The following PLCG1 variants were observed in gnomAD, a reference collection of about 807,000 sequenced individuals.
The protein encoded by PLCG1 is phospholipase C gamma 1.
A neutral mutation model predicts 177.8 loss-of-function variants in PLCG1; 71 were observed. The ratio of observed to expected loss-of-function variants is 0.40; its 90% CI spans 0.33 to 0.49. The LOEUF (loss-of-function observed/expected upper bound fraction) is 0.49, where lower values mean the gene tolerates loss of function less well. PLCG1 is among the 20% of genes least tolerant of loss of function. The pLI is 0.72. For synonymous variants in PLCG1, 658 were observed against 647.9 expected (o/e 1.02, Z -0.24); for missense variants, 1,281 against 1,709.0 (o/e 0.75, Z 4.42).
chr20:41,138,816 A>C (rs150713520), intron 1 of PLCG1, among the ~76,000 whole-genome samples: 15 of 152,132 alleles, frequency 9.9e-5, no homozygotes, highest in Non-Finnish European at 1.8e-4. Context: ...GGGATTTTGA[A>C]AAACCCCAGA....
intron 1 of PLCG1, among the ~76,000 whole-genome samples, chr20:41,141,757 G>A (rs570729147): frequency 3.8e-4 from 58 of 152,216 alleles, no homozygotes; most frequent in African/African-American, 1.3e-3. Context: ...AGGCCCCCCC[G>A]CCCAGCTGGG....
In PLCG1 at chr20:41,163,052, C is replaced by A; in HGVS notation, c.716+60C>A. On this transcript the variant is annotated intron_variant, in intron 7 of 31. Transcript: ENST00000685551. The surrounding 1 kb of genome is among the most constrained non-coding windows in gnomAD (Gnocchi z 5.2). ...GGGCCCCCTTCATCTCTCCACTGGGCGATTCTTGATCCAGGTGGGAGGCAG... is the reference window on the plus strand; with the variant it reads ...GGGCCCCCTTCATCTCTCCACTGGGAGATTCTTGATCCAGGTGGGAGGCAG... The A allele has an allele frequency of 6.4e-7, 1 of 1,559,256 alleles. No homozygotes were observed.
rs770363449 is a variant in PLCG1, at chr20:41,163,921, G to T, written c.1011G>T (p.Thr337=). ...TACCTGCCTCTCCTTGCCTATCCAGGTACCTGACCGGGGACCAGTTCTCCA... is the reference window on the plus strand; with the variant it reads ...TACCTGCCTCTCCTTGCCTATCCAGTTACCTGACCGGGGACCAGTTCTCCA... ...SHYWISSSHN[T]YLTGDQFSSE... The change falls in exon 11 of 32, where the codon ACG becomes ACT. Residue 337 remains threonine, a splice_region_variant and synonymous_variant. Transcript: ENST00000685551. The surrounding 1 kb of genome is among the most constrained non-coding windows in gnomAD (Gnocchi z 5.2). 8.1e-6 allele frequency: 13 copies of T among 1,614,090 alleles called. No homozygotes were observed. The highest frequency in any genetic ancestry group is 1.1e-5 in the Non-Finnish European group (13 of 1,179,996).
Position 41,159,954 on chromosome 20 carries a change from A to G in PLCG1, c.455A>G (p.Gln152Arg). ...ACATTGCAGGCACCCACACCCCTGC[A>G]GATTGAGAGGTAAGAACCACTCCTG... is the stretch of plus-strand genomic sequence containing the variant. Reference protein sequence around the residue: ...EDTLQAPTPLQIERWLRKQFY... With the variant: ...EDTLQAPTPLRIERWLRKQFY... Residue 152 changes from glutamine (Q) to arginine (R), a missense_variant, in exon 3 of 32, where the codon CAG (glutamine) becomes CGG (arginine). Physicochemically the swap from Gln to Arg is conservative, Grantham distance 43. This residue lies in a region of PLCG1 where 374 missense variants were observed against 443.8 expected (regional missense o/e 0.84). Coordinates refer to ENST00000685551, the MANE Select transcript of PLCG1 (RefSeq NM_002660.3). The surrounding 1 kb of genome is among the most constrained non-coding windows in gnomAD (Gnocchi z 6.0). The G allele has an allele frequency of 6.2e-7, 1 of 1,613,840 alleles. No homozygotes were observed. The highest frequency in any genetic ancestry group is 8.5e-7 in the Non-Finnish European group (1 of 1,179,704).
chr20:41,168,886 G>T lies in PLCG1; in HGVS notation c.2483+16G>T. Reference sequence around the variant, plus strand: ...AGGGAGGCTGGTAAGCCAGTGGTGTGGTAGGCCCAGAGTCCAAGGGCCCCA... The same window carrying T: ...AGGGAGGCTGGTAAGCCAGTGGTGTTGTAGGCCCAGAGTCCAAGGGCCCCA... On this transcript the variant is annotated intron_variant, in intron 21 of 31. Coordinates refer to ENST00000685551, the MANE Select transcript of PLCG1 (RefSeq NM_002660.3). 1 of 1,556,674 alleles carries T rather than the reference G, an allele frequency of 6.4e-7. No individual in the cohort carries two copies. The highest frequency in any genetic ancestry group is 8.9e-7 in the Non-Finnish European group (1 of 1,129,882).
At chr20:41,143,307 T>C (rs926345) in intron 1 of PLCG1, among the ~76,000 whole-genome samples, 88,076 of 152,040 alleles carry the variant, frequency 0.58, 26,841 homozygotes, top group East Asian at 0.82. Flanking sequence ...TCCTGTGGGA[T>C]GTGGCTTCAA....
chr20:41,160,942 GT>G lies in PLCG1; in HGVS notation c.512+791del, dbSNP rs2035474006. On this transcript the variant is annotated intron_variant, in intron 4 of 31. Coordinates refer to ENST00000685551, the MANE Select transcript of PLCG1 (RefSeq NM_002660.3). This position sits in a 1 kb window ranked among gnomAD's most constrained non-coding sequence, Gnocchi z 5.5. ...GAAGCTTGGGTTCAGTTCGAGGCAT[GT>G]TAAGTTTTCTGATGCCTATTAGCTG... Among the ~76,000 whole-genome samples the G allele has an allele frequency of 1.3e-5, 2 of 152,178 alleles. No individual in the cohort carries two copies. Among genetic ancestry groups the G allele is most frequent in the Admixed American group, 6.5e-5 (1 of 15,278 alleles).
Position 41,159,983 on chromosome 20 carries a change from G to A in PLCG1, c.464+20G>A. 1 of 1,608,800 alleles carries A rather than the reference G, an allele frequency of 6.2e-7. No individual in the cohort carries two copies. Among genetic ancestry groups the A allele is most frequent in the South Asian group, 1.1e-5 (1 of 90,972 alleles). ...TGAGAGGTAAGAACCACTCCTGAAG[G>A]GGTTAGGGCTGGGAGCATTAGGGAC... On this transcript the variant is annotated intron_variant, in intron 3 of 31. Transcript: ENST00000685551. The surrounding 1 kb of genome is among the most constrained non-coding windows in gnomAD (Gnocchi z 6.0).
chr20:41,166,373 C>T lies in PLCG1; in HGVS notation c.1979C>T (p.Thr660Ile), dbSNP rs1422503722. The T allele has an allele frequency of 1.2e-6, 2 of 1,614,108 alleles. No individual in the cohort carries two copies. Among genetic ancestry groups the T allele is most frequent in the Non-Finnish European group, 1.7e-6 (2 of 1,180,046 alleles). The change falls in exon 17 of 32, where the codon ACC becomes ATC. Residue 660 changes from threonine to isoleucine, a missense_variant. By Grantham distance (89) the Thr-to-Ile change is moderately conservative (BLOSUM62 -1). Coordinates refer to ENST00000685551, the MANE Select transcript of PLCG1 (RefSeq NM_002660.3). The surrounding 1 kb of genome is among the most constrained non-coding windows in gnomAD (Gnocchi z 8.6). Reference protein sequence around the residue: ...EMRLSEPVPQTNAHESKEWYH... With the variant: ...EMRLSEPVPQINAHESKEWYH... ...CGACTTTCAGAGCCTGTCCCACAGACCAACGCCCACGAGAGCAAAGAGTGA... is the reference window on the plus strand; with the variant it reads ...CGACTTTCAGAGCCTGTCCCACAGATCAACGCCCACGAGAGCAAAGAGTGA...
chr20:41,138,722 T>G (rs2034703983), intron 1 of PLCG1, among the ~76,000 whole-genome samples: 1 of 152,164 alleles, frequency 6.6e-6, no homozygotes, highest in Non-Finnish European at 1.5e-5. Flanking sequence ...CGGGAGCGGC[T>G]TCTCTTAGTT....
In PLCG1 at chr20:41,164,812, G is replaced by T; in HGVS notation, c.1218-121G>T. On this transcript the variant is annotated intron_variant, in intron 12 of 31. Coordinates refer to ENST00000685551, the MANE Select transcript of PLCG1 (RefSeq NM_002660.3). The surrounding 1 kb of genome is among the most constrained non-coding windows in gnomAD (Gnocchi z 6.4). ...GTGGCTATGGCCTGCCTCTTTTCTGGGATAGTTTTTACAGACAAGAAGCCC... is the reference window on the plus strand; with the variant it reads ...GTGGCTATGGCCTGCCTCTTTTCTGTGATAGTTTTTACAGACAAGAAGCCC... The T allele has an allele frequency of 1.0e-6, 1 of 956,936 alleles. No homozygotes were observed. The allele number at this position is 956,936 out of a possible 1,614,324, so 59.3% of individuals were successfully genotyped here.
intron 1 of PLCG1, among the ~76,000 whole-genome samples, chr20:41,139,037 C>T (rs1262224040): frequency 6.6e-6 from 1 of 152,168 alleles, no homozygotes; most frequent in Non-Finnish European, 1.5e-5. Flanking sequence ...CAGGAAGTGA[C>T]ACCCCAAGGG....
At chr20:41,169,245 C>T (rs2035812308) in intron 22 of PLCG1, 70 bp downstream of exon 22, 8 of 1,189,886 alleles carry the variant, frequency 6.7e-6, no homozygotes, top group Non-Finnish European at 1.0e-5. Flanking sequence ...CCCCATCACA[C>T]AGTCCCAAGC....
In PLCG1 at chr20:41,162,548, C is replaced by A. The variant is rs145781021; in HGVS notation, c.597+12C>A. The stretch of plus-strand genomic sequence containing the variant: ...GAGAGCGGCTGACGGTAAGTGCCAC[C>A]CAGGGCTGTCTGTAGATGGGGGCAG... On this transcript the variant is annotated intron_variant, in intron 5 of 31. Coordinates refer to ENST00000685551, the MANE Select transcript of PLCG1 (RefSeq NM_002660.3). 91 of 1,613,182 alleles carry A rather than the reference C, an allele frequency of 5.6e-5. No homozygotes were observed. In the African/African-American group the frequency reaches 1.1e-3, roughly 20 times the overall value.
chr20:41,155,979 A>G (rs2035309753), intron 1 of PLCG1, among the ~76,000 whole-genome samples: 2 of 152,152 alleles, frequency 1.3e-5, no homozygotes, highest in Non-Finnish European at 2.9e-5. Flanking sequence ...AAGCTTCTTG[A>G]AAGAGCAGGA....
Position 41,159,675 on chromosome 20 carries a change from A to G in PLCG1, c.287A>G (p.Asp96Gly). The G allele has an allele frequency of 6.2e-7, 1 of 1,614,080 alleles. No individual in the cohort carries two copies. The highest frequency in any genetic ancestry group is 1.1e-5 in the South Asian group (1 of 91,074). ...CGGGACTTTGATCGCTATCAAGAGG[A>G]CCCAGCTTTCCGGCCGGACCAGTCA... The part of the protein sequence containing the change: ...TSRDFDRYQE[D>G]PAFRPDQSHC... The change falls in exon 2 of 32, where the codon GAC becomes GGC. Residue 96 changes from aspartate (D) to glycine (G), a missense_variant. Coordinates refer to ENST00000685551, the MANE Select transcript of PLCG1 (RefSeq NM_002660.3). This position sits in a 1 kb window ranked among gnomAD's most constrained non-coding sequence, Gnocchi z 6.0.
At chr20:41,145,735 G>A (rs1196318524) in intron 1 of PLCG1, among the ~76,000 whole-genome samples, 1 of 152,156 alleles carries the variant, frequency 6.6e-6, no homozygotes, top group African/African-American at 2.4e-5. Flanking sequence ...GTTGGTCCCC[G>A]AATATTCTGT....
In PLCG1 at chr20:41,167,830, T is replaced by C. The variant is rs370225921; in HGVS notation, c.2302-22T>C. Reference sequence around the variant, plus strand: ...CTCTGGGCTCTGGGGCATTAACATATCCCATTGTGTCCTGTTTCCAGGAGC... The same window carrying C: ...CTCTGGGCTCTGGGGCATTAACATACCCCATTGTGTCCTGTTTCCAGGAGC... On this transcript the variant is annotated intron_variant, in intron 19 of 31. Transcript: ENST00000685551. This position sits in a 1 kb window ranked among gnomAD's most constrained non-coding sequence, Gnocchi z 4.4. 1.3e-6 allele frequency: 2 copies of C among 1,556,374 alleles called. No individual in the cohort carries two copies.
rs775934899 is a variant in PLCG1 at position 41,170,354 on chromosome 20, C to G, written c.2808+85C>G. 443 of 1,472,236 alleles carry G rather than the reference C, an allele frequency of 3.0e-4. 1 individual carries two copies. The highest frequency in any genetic ancestry group is 4.0e-4 in the Non-Finnish European group (425 of 1,064,874). 91.2% of individuals were successfully genotyped at this position (1,472,236 alleles called of 1,614,324 possible). A position where few individuals can be genotyped will look rare whatever the true frequency, so the allele number is the denominator to read the frequency against. On this transcript the variant is annotated intron_variant, in intron 24 of 31. Coordinates refer to ENST00000685551, the MANE Select transcript of PLCG1 (RefSeq NM_002660.3). The stretch of plus-strand genomic sequence containing the variant: ...CTCCAGCTCCCAGCACAGGCCCCCT[C>G]AGAGCAGTGGGGCAGCCGATGGCCT...
Sources: gnomAD v4.1 joint callset for allele counts (sites outside exome capture counted in the v4.1 genomes callset) on GRCh38, gnomAD v4.1.1 for gene constraint, gnomAD v4.1.1 regional missense constraint, Gnocchi (gnomAD v3.1) non-coding constraint, MANE v1.5 for transcripts, NCBI Gene and HGNC (gene_info 2026-07-23, HGNC 2026-07-21) for gene names.